GRAMD1A: variants seen among roughly 807,000 people sequenced by gnomAD.
The protein encoded by GRAMD1A is GRAM domain containing 1A, also known as protein Aster-A.
A neutral mutation model predicts 92.0 loss-of-function variants in GRAMD1A; 50 were observed. That is an observed-to-expected ratio of 0.54 (90% CI 0.43 to 0.69). GRAMD1A has a LOEUF of 0.69. Among genes scored for constraint, GRAMD1A ranks in the 30% least tolerant of loss-of-function variants. The probability of loss-of-function intolerance (pLI) is 0.00; values close to 1 mark genes in which losing one functional copy is unlikely to be tolerated. For missense variants in GRAMD1A, 819 were observed against 978.9 expected (o/e 0.84, Z 2.18); for synonymous variants, 405 against 403.6 (o/e 1.00, Z -0.04).
At chr19:35,014,126 G>A (rs558841195) in intron 9 of GRAMD1A, 63 bp from the exon 10 acceptor site, 3 of 1,440,448 alleles carry the variant, frequency 2.1e-6, no homozygotes, top group East Asian at 4.5e-5. Context: ...TGGCCAGTGT[G>A]GACTTGGGAG....
Position 35,013,413 on chromosome 19 carries a change from G to A in GRAMD1A, c.719+45G>A. 3 of 1,506,298 alleles carry A rather than the reference G, an allele frequency of 2.0e-6. No homozygotes were observed. The highest frequency in any genetic ancestry group is 2.7e-6 in the Non-Finnish European group (3 of 1,093,486). The allele number at this position is 1,506,298 out of a possible 1,614,324, so 93.3% of individuals were successfully genotyped here. A position where few individuals can be genotyped will look rare whatever the true frequency, so the allele number is the denominator to read the frequency against. On this transcript the variant is annotated intron_variant, in intron 8 of 19. Transcript: ENST00000317991. This position sits in a 1 kb window ranked among gnomAD's most constrained non-coding sequence, Gnocchi z 4.9. ...AGGTTGAAGGGTTCGGGGGAGAACA[G>A]GACGGTCGGCGTGCAGAGTTCCTGG...
Position 35,021,650 on chromosome 19 carries a change from G to A in GRAMD1A, c.1580-41G>A. On this transcript the variant is annotated intron_variant, in intron 14 of 19. Coordinates refer to ENST00000317991, the MANE Select transcript of GRAMD1A (RefSeq NM_020895.5). This position sits in a 1 kb window ranked among gnomAD's most constrained non-coding sequence, Gnocchi z 5.3. ...TGGGGCGTGGGTTGGGGGATGGCCT[G>A]GCCAGGTATGGACATCCAGAGCCCC... is the stretch of plus-strand genomic sequence containing the variant. The A allele has an allele frequency of 6.2e-7, 1 of 1,613,532 alleles. No homozygotes were observed. Among genetic ancestry groups the A allele is most frequent in the Non-Finnish European group, 8.5e-7 (1 of 1,179,472 alleles).
upstream of GRAMD1A, among the ~76,000 whole-genome samples, chr19:34,997,702 T>C (rs78475247): frequency 1.8e-4 from 28 of 152,292 alleles, no homozygotes; most frequent in East Asian, 4.8e-3. Context: ...TAATCGTGTA[T>C]CTTTTTAAAA....
At chr19:35,023,122 C>T (rs924996817) in intron 17 of GRAMD1A, 114 bp from the exon 18 acceptor site, 2 of 857,742 alleles carry the variant, frequency 2.3e-6, no homozygotes, top group Non-Finnish European at 3.9e-6. Flanking sequence ...CTCTCTGAGC[C>T]TAATTCTCCT....
chr19:34,995,571 G>GTTTTCTTT (rs2013994884), upstream of GRAMD1A, among the ~76,000 whole-genome samples: 1 of 93,652 alleles, frequency 1.1e-5, no homozygotes, highest in Non-Finnish European at 2.2e-5. Flanking sequence ...CAGATCACGG[G>GTTTTCTTT]TTTTTTTTTT....
In GRAMD1A at chr19:35,021,575, A is replaced by G. The variant is rs770345885; in HGVS notation, c.1549A>G (p.Ser517Gly). 6.2e-7 allele frequency: 1 copy of G among 1,614,000 alleles called. No individual in the cohort carries two copies. The highest frequency in any genetic ancestry group is 1.3e-5 in the African/African-American group (1 of 74,930). ...GTCGCTCATTGAGAAGAACTCGTGGAGCGGCATTGAAGACTATTTCCACCA... is the reference window on the plus strand; with the variant it reads ...GTCGCTCATTGAGAAGAACTCGTGGGGCGGCATTGAAGACTATTTCCACCA... ...VKSLIEKNSW[S>G]GIEDYFHHLE... The change falls in exon 14 of 20, where the codon AGC becomes GGC. Residue 517 changes from serine to glycine, a missense_variant. Ser to Gly is a moderately conservative substitution (Grantham distance 56). Around this residue, in one of 3 missense-constraint regions of GRAMD1A, gnomAD observed 577 missense variants for 674.6 expected, o/e 0.86. Coordinates refer to ENST00000317991, the MANE Select transcript of GRAMD1A (RefSeq NM_020895.5). The surrounding 1 kb of genome is among the most constrained non-coding windows in gnomAD (Gnocchi z 5.3).
At chr19:35,005,823 G>T in intron 1 of GRAMD1A, 1 of 456,008 alleles carries the variant, frequency 2.2e-6, no homozygotes, top group Non-Finnish European at 4.4e-6. Flanking sequence ...CTGCCCAGGG[G>T]ACTGTGGGGT....
At chr19:35,019,113 C>T in intron 11 of GRAMD1A, 78 bp from the exon 12 acceptor site, 1 of 942,642 alleles carries the variant, frequency 1.1e-6, no homozygotes, top group Non-Finnish European at 1.7e-6. Context: ...GAGAGACCTC[C>T]CAGAAGGCTG....
intron 1 of GRAMD1A, among the ~76,000 whole-genome samples, chr19:35,002,213 CGTT>C (rs1224397196): frequency 1.3e-5 from 2 of 152,024 alleles, no homozygotes; most frequent in Non-Finnish European, 2.9e-5. Context: ...TGATAACTGA[CGTT>C]GTCCACCTGT....
Position 35,021,795 on chromosome 19 carries a change from C to T in GRAMD1A, c.1684C>T (p.Arg562Trp), listed in dbSNP as rs753306201. The change falls in exon 15 of 20, where the codon CGG (arginine) becomes TGG (tryptophan). Residue 562 changes from arginine (R) to tryptophan (W), a missense_variant. By Grantham distance (101) the Arg-to-Trp change is moderately radical. Around this residue, in one of 3 missense-constraint regions of GRAMD1A, gnomAD observed 577 missense variants for 674.6 expected, o/e 0.86. Transcript: ENST00000317991. This position sits in a 1 kb window ranked among gnomAD's most constrained non-coding sequence, Gnocchi z 5.3. Reference protein sequence around the residue: ...LRRRKRPLSWRAHGDGPQHPD... With the variant: ...LRRRKRPLSWWAHGDGPQHPD... Reference sequence around the variant, plus strand: ...GCGGCGGAAGCGGCCCCTGAGCTGGCGGGCTCACGGGGACGGGCCCCAGCA... The same window carrying T: ...GCGGCGGAAGCGGCCCCTGAGCTGGTGGGCTCACGGGGACGGGCCCCAGCA... The T allele has an allele frequency of 5.0e-6, 8 of 1,610,410 alleles. No individual in the cohort carries two copies. Among genetic ancestry groups the T allele is most frequent in the Admixed American group, 1.7e-5 (1 of 59,718 alleles).
At chr19:35,009,830 G>T in intron 3 of GRAMD1A, 58 bp from the exon 4 acceptor site, 1 of 1,010,440 alleles carries the variant, frequency 9.9e-7, no homozygotes, top group South Asian at 1.3e-5. Context: ...GGAGCTTTGT[G>T]GGGCAGCATT....
chr19:35,019,586 C>G (rs1374835652), intron 13 of GRAMD1A, 53 bp downstream of exon 13: 3 of 1,551,206 alleles, frequency 1.9e-6, no homozygotes, highest in Non-Finnish European at 2.7e-6. Context: ...CCAGGGCCTC[C>G]TGTCCACTCC....
chr19:35,019,093 C>T, intron 11 of GRAMD1A, 98 bp from the exon 12 acceptor site: 1 of 770,064 alleles, frequency 1.3e-6, no homozygotes, highest in Non-Finnish European at 2.2e-6. Context: ...GGGATTGGGA[C>T]AGGTCCCCAG....
intron 13 of GRAMD1A, 140 bp downstream of exon 13, chr19:35,019,673 C>G (rs1237835637): frequency 2.4e-6 from 2 of 827,896 alleles, no homozygotes; most frequent in Non-Finnish European, 4.0e-6. Flanking sequence ...CCTTGTCCTC[C>G]GAATAGTGGA....
chr19:34,995,587 T>G (rs2014003519), upstream of GRAMD1A, among the ~76,000 whole-genome samples: 1 of 144,526 alleles, frequency 6.9e-6, no homozygotes, highest in African/African-American at 2.6e-5. Flanking sequence ...TTTTTTTTTT[T>G]TTTTTTTTTT....
chr19:35,023,551 G>A lies in GRAMD1A; in HGVS notation c.2082+4G>A. 6.4e-7 allele frequency: 1 copy of A among 1,570,112 alleles called. No individual in the cohort carries two copies. The highest frequency in any genetic ancestry group is 8.6e-7 in the Non-Finnish European group (1 of 1,162,570). The stretch of plus-strand genomic sequence containing the variant: ...CTCCGTGGAGCTCCTGGATGAGGTA[G>A]GAGGCGCCGCTCGGGCAGGGCTCGG... On this transcript the variant is annotated splice_donor_region_variant and intron_variant, in intron 19 of 19. Transcript: ENST00000317991.
chr19:35,013,533 T>C lies in GRAMD1A; in HGVS notation c.720-8T>C, dbSNP rs768950150. The C allele has an allele frequency of 6.3e-7, 1 of 1,596,206 alleles. No homozygotes were observed. The highest frequency in any genetic ancestry group is 1.3e-5 in the African/African-American group (1 of 74,706). Reference sequence around the variant, plus strand: ...CACAGCAGTCCCGCTTCCTCCCCTTTCCCACAGGACCCCCAAGGAAGTGGG... The same window carrying C: ...CACAGCAGTCCCGCTTCCTCCCCTTCCCCACAGGACCCCCAAGGAAGTGGG... On this transcript the variant is annotated splice_region_variant and splice_polypyrimidine_tract_variant and intron_variant, in intron 8 of 19. Transcript: ENST00000317991. This position sits in a 1 kb window ranked among gnomAD's most constrained non-coding sequence, Gnocchi z 4.9.
intron 17 of GRAMD1A, 144 bp downstream of exon 17, chr19:35,023,055 G>C (rs2016185977): frequency 1.2e-6 from 1 of 838,066 alleles, no homozygotes; most frequent in Non-Finnish European, 2.0e-6. Context: ...GACAGACCTG[G>C]GTTTGAACAC....
At position 35,014,222 on chromosome 19, in the gene GRAMD1A, C is replaced by A. The variant is rs1238224102; in HGVS notation, c.904C>A (p.Gln302Lys). 1 of 1,613,814 alleles carries A rather than the reference C, an allele frequency of 6.2e-7. No individual in the cohort carries two copies. Among genetic ancestry groups the A allele is most frequent in the African/African-American group, 1.3e-5 (1 of 74,912 alleles). The change falls in exon 10 of 20, where the codon CAG becomes AAG. Residue 302 changes from glutamine (Q) to lysine (K), a missense_variant. Gln to Lys is a moderately conservative substitution (Grantham distance 53). Coordinates refer to ENST00000317991, the MANE Select transcript of GRAMD1A (RefSeq NM_020895.5). ...EEDKEEQVDS[Q>K]PDASSSQTVT... The stretch of plus-strand genomic sequence containing the variant: ...GGACAAGGAGGAGCAGGTAGACAGC[C>A]AGCCAGACGCCTCCTCCAGCCAGAC...
Sources: allele counts gnomAD v4.1 joint callset (sites outside exome capture counted in the v4.1 genomes callset), GRCh38; gene constraint gnomAD v4.1.1; regional missense constraint gnomAD v4.1.1; non-coding constraint Gnocchi (gnomAD v3.1); transcripts MANE v1.5; gene names NCBI Gene and HGNC (gene_info 2026-07-23, HGNC 2026-07-21).